Variants in ZNF469 observed in about 807,000 individuals in gnomAD.
ZNF469 encodes the protein zinc finger protein 469.
In ZNF469, 1 loss-of-function variant was observed where a neutral mutation model predicts 1.0. That is an observed-to-expected ratio of 1.00 (90% CI 0.35 to 4.73). The LOEUF is 4.73. Among genes scored for constraint, ZNF469 ranks in the 30% most tolerant of loss-of-function variants. The probability of loss-of-function intolerance (pLI) is 0.16; values close to 1 mark genes in which losing one functional copy is unlikely to be tolerated. For synonymous variants in ZNF469, 2,703 were observed against 2,363.4 expected (o/e 1.14, Z -4.17); for missense variants, 6,100 against 5,356.3 (o/e 1.14, Z -4.33).
the ZNF469 span, among the ~76,000 whole-genome samples, chr16:88,334,418 G>A: frequency 6.6e-6 from 1 of 152,152 alleles, no homozygotes; most frequent in Non-Finnish European, 1.5e-5. Context: ...GAGCATCCCT[G>A]ACCCAGCATC....
At chr16:88,233,809 C>T in the ZNF469 span, among the ~76,000 whole-genome samples, 989 of 152,348 alleles carry the variant, frequency 6.5e-3, 28 homozygotes, top group East Asian at 0.014. Context: ...GCCTCCTGTG[C>T]GCGAGCGCTT....
the ZNF469 span, among the ~76,000 whole-genome samples, chr16:88,376,025 G>A: frequency 6.6e-6 from 1 of 152,242 alleles, no homozygotes; most frequent in Non-Finnish European, 1.5e-5. Context: ...CAGTGGCCAG[G>A]TATGGAAAAG....
intron 1 of ZNF469, among the ~76,000 whole-genome samples, chr16:88,391,443 G>A (rs1201483078): frequency 6.6e-6 from 1 of 152,258 alleles, no homozygotes; most frequent in East Asian, 1.9e-4. Context: ...GGGGAACAGC[G>A]AATTCAGGGC....
Position 88,430,864 on chromosome 16 carries a change from G to A in ZNF469, c.3394G>A (p.Glu1132Lys), listed in dbSNP as rs1310255108. The A allele has an allele frequency of 1.3e-6, 2 of 1,537,234 alleles. No individual in the cohort carries two copies. The highest frequency in any genetic ancestry group is 1.7e-6 in the Non-Finnish European group (2 of 1,146,202). Reference protein sequence around the residue: ...KEVELTQGPREDEPQKPRKAA... With the variant: ...KEVELTQGPRKDEPQKPRKAA... ...AGTGGAGCTGACCCAGGGTCCCAGA[G>A]AGGATGAGCCACAGAAACCCCGGAA... Residue 1132 changes from glutamate (E) to lysine (K), a missense_variant, in exon 3 of 3, where the codon GAG (glutamate) becomes AAG (lysine). By Grantham distance (56) the Glu-to-Lys change is moderately conservative. Coordinates refer to ENST00000565624, the MANE Select transcript of ZNF469 (RefSeq NM_001367624.2).
chr16:88,323,766 G>A, the ZNF469 span, among the ~76,000 whole-genome samples: 1 of 152,124 alleles, frequency 6.6e-6, no homozygotes, highest in Non-Finnish European at 1.5e-5. Flanking sequence ...CAGACCAGGG[G>A]CCCACTCTGC....
chr16:88,154,383 C>T, the ZNF469 span, among the ~76,000 whole-genome samples: 1 of 152,202 alleles, frequency 6.6e-6, no homozygotes, highest in Non-Finnish European at 1.5e-5. Context: ...CCAGGCTGGT[C>T]TCAAACTCCT....
At chr16:88,222,529 A>T in the ZNF469 span, among the ~76,000 whole-genome samples, 44,845 of 152,156 alleles carry the variant, frequency 0.29, 7,436 homozygotes, top group Non-Finnish European at 0.35. Flanking sequence ...AGGCCGAGGC[A>T]GGTGGATCGC....
At chr16:88,185,747 T>G in the ZNF469 span, among the ~76,000 whole-genome samples, 1 of 90,760 alleles carries the variant, frequency 1.1e-5, no homozygotes, top group Non-Finnish European at 2.1e-5. Flanking sequence ...TACACACTCG[T>G]GTGCCCAGAC....
chr16:88,433,949 C>T lies in ZNF469; in HGVS notation c.6479C>T (p.Pro2160Leu). 2.6e-6 allele frequency: 4 copies of T among 1,550,232 alleles called. No individual in the cohort carries two copies. Among genetic ancestry groups the T allele is most frequent in the Non-Finnish European group, 3.5e-6 (4 of 1,146,920 alleles). The stretch of plus-strand genomic sequence containing the variant: ...GCATCTCCGTCCTGCAGGGACCCTC[C>T]CGGCCCCCAGCAGCTGCTGGCCTGT... Reference protein sequence around the residue: ...LPASPSCRDPPGPQQLLACSP... With the variant: ...LPASPSCRDPLGPQQLLACSP... The change falls in exon 3 of 3, where the codon CCC becomes CTC. Residue 2160 changes from proline to leucine, a missense_variant. Pro to Leu is a moderately conservative substitution (Grantham distance 98, BLOSUM62 -3). Transcript: ENST00000565624.
intron 1 of ZNF469, among the ~76,000 whole-genome samples, chr16:88,411,960 C>A (rs577721084): frequency 5.6e-4 from 86 of 152,412 alleles, no homozygotes; most frequent in African/African-American, 2.0e-3. Context: ...GGAGCCCTGG[C>A]GTGGTGTCGC....
chr16:88,120,612 C>T, the ZNF469 span, among the ~76,000 whole-genome samples: 2 of 152,228 alleles, frequency 1.3e-5, no homozygotes, highest in Non-Finnish European at 2.9e-5. Context: ...GGGACGGAGC[C>T]GCCCTGTCCA....
the ZNF469 span, among the ~76,000 whole-genome samples, chr16:88,209,901 T>C: frequency 6.6e-6 from 1 of 152,264 alleles, no homozygotes; most frequent in African/African-American, 2.4e-5. Flanking sequence ...TAATGCATTT[T>C]CATACTGTTG....
chr16:88,219,046 G>A, the ZNF469 span, among the ~76,000 whole-genome samples: 1 of 148,880 alleles, frequency 6.7e-6, no homozygotes, highest in African/African-American at 2.6e-5. Context: ...AAATACCTAG[G>A]AATCCAACTG....
chr16:88,148,755 G>T, the ZNF469 span, among the ~76,000 whole-genome samples: 1 of 152,156 alleles, frequency 6.6e-6, no homozygotes, highest in Non-Finnish European at 1.5e-5. Flanking sequence ...ATCATTCTGG[G>T]GCTGGGCTGT....
At chr16:88,267,849 A>G in the ZNF469 span, among the ~76,000 whole-genome samples, 1 of 152,160 alleles carries the variant, frequency 6.6e-6, no homozygotes, top group Non-Finnish European at 1.5e-5. Context: ...TCACTCACAT[A>G]GATTCCTTGG....
Position 88,436,653 on chromosome 16 carries a change from G to A in ZNF469, c.9183G>A (p.Leu3061=). ...TTGAGATGCAAGACCTGTGCTTTCTGGGACCCTTTGAAGACCCCGTGGGTC... is the reference window on the plus strand; with the variant it reads ...TTGAGATGCAAGACCTGTGCTTTCTAGGACCCTTTGAAGACCCCGTGGGTC... ...TKFEMQDLCF[L]GPFEDPVGLP... The change falls in exon 3 of 3, where the codon CTG becomes CTA. Residue 3061 remains leucine (L), a synonymous_variant. Coordinates refer to ENST00000565624, the MANE Select transcript of ZNF469 (RefSeq NM_001367624.2). 1 of 1,550,356 alleles carries A rather than the reference G, an allele frequency of 6.5e-7. No homozygotes were observed. Among genetic ancestry groups the A allele is most frequent in the South Asian group, 1.2e-5 (1 of 84,060 alleles).
At chr16:88,227,861 G>A in the ZNF469 span, among the ~76,000 whole-genome samples, 7 of 152,184 alleles carry the variant, frequency 4.6e-5, no homozygotes, top group Non-Finnish European at 1.0e-4. Flanking sequence ...GCGTTCCCCG[G>A]CACGCAGGTG....
chr16:88,135,688 G>A, the ZNF469 span, among the ~76,000 whole-genome samples: 2 of 150,658 alleles, frequency 1.3e-5, no homozygotes, highest in South Asian at 2.1e-4. Context: ...GCTTGGTGCT[G>A]GGACCGGTGA....
At chr16:88,279,686 T>G in the ZNF469 span, among the ~76,000 whole-genome samples, 3 of 144,612 alleles carry the variant, frequency 2.1e-5, no homozygotes, top group African/African-American at 5.1e-5. Context: ...TGTGCCACAC[T>G]GACACTCGGT....
Sources: gnomAD v4.1 joint callset for allele counts (sites outside exome capture counted in the v4.1 genomes callset) on GRCh38, gnomAD v4.1.1 for gene constraint, MANE v1.5 for transcripts, NCBI Gene and HGNC (gene_info 2026-07-23, HGNC 2026-07-21) for gene names.